Variants in GART observed in about 807,000 individuals in gnomAD.
The protein encoded by GART is phosphoribosylglycinamide formyltransferase, phosphoribosylglycinamide synthetase, phosphoribosylaminoimidazole synthetase, also known as trifunctional purine biosynthetic protein adenosine-3.
Under a neutral mutation model 107.2 loss-of-function variants are expected in GART, and 43 were observed. That is an observed-to-expected ratio of 0.40 (90% CI 0.31 to 0.52). The LOEUF (loss-of-function observed/expected upper bound fraction) is 0.52, where lower values mean the gene tolerates loss of function less well. Among genes scored for constraint, GART ranks in the 20% least tolerant of loss-of-function variants. GART has a pLI of 0.52. For missense variants in GART, 1,107 were observed against 1,206.5 expected (o/e 0.92, Z 1.22); for synonymous variants, 434 against 427.0 (o/e 1.02, Z -0.20).
intron 16 of GART, among the ~76,000 whole-genome samples, chr21:33,512,918 C>T (rs1013789078): frequency 6.6e-6 from 1 of 150,654 alleles, no homozygotes; most frequent in African/African-American, 2.4e-5. Context: ...GGAGTTGATA[C>T]AATTTTTTTT....
At chr21:33,533,440 A>C (rs2085235985) in intron 4 of GART, among the ~76,000 whole-genome samples, 1 of 17,630 alleles carries the variant, frequency 5.7e-5, no homozygotes, top group Non-Finnish European at 1.1e-4. Flanking sequence ...ACGAGACTCA[A>C]AAAAAAAAAA....
intron 6 of GART, 156 bp downstream of exon 6, chr21:33,531,333 G>T: frequency 1.5e-6 from 1 of 682,370 alleles, no homozygotes; most frequent in Non-Finnish European, 2.5e-6. Context: ...TTTTTCATTT[G>T]CACCCCCAAC....
chr21:33,507,523 T>A (rs1212057045), intron 18 of GART, among the ~76,000 whole-genome samples: 1 of 152,144 alleles, frequency 6.6e-6, no homozygotes, highest in African/African-American at 2.4e-5. Flanking sequence ...TTACACATTT[T>A]AAAATAACTG....
Position 33,520,543 on chromosome 21 carries a change from T to C in GART, c.1523A>G (p.Lys508Arg). Reference sequence around the variant, plus strand: ...CAAATCTTGACCAATGGTATCATGTTTATTGCATAGCTGGGCAATCTATGT... The same window carrying C: ...CAAATCTTGACCAATGGTATCATGTCTATTGCATAGCTGGGCAATCTATGT... ...TKLKIAQLCN[K>R]HDTIGQDLVA... The change falls in exon 14 of 22, where the codon AAA becomes AGA. Residue 508 changes from lysine to arginine, a missense_variant. Coordinates refer to ENST00000381815, the MANE Select transcript of GART (RefSeq NM_000819.5). 6.2e-7 allele frequency: 1 copy of C among 1,614,092 alleles called. No homozygotes were observed. The highest frequency in any genetic ancestry group is 8.5e-7 in the Non-Finnish European group (1 of 1,179,954).
At chr21:33,534,791 C>T in intron 3 of GART, 38 bp from the exon 4 acceptor site, 1 of 1,515,194 alleles carries the variant, frequency 6.6e-7, no homozygotes, top group South Asian at 1.3e-5. Flanking sequence ...GAACCAAGGT[C>T]TCCCCAGGGG....
intron 14 of GART, among the ~76,000 whole-genome samples, 193 bp downstream of exon 14, chr21:33,520,171 G>A (rs2084944409): frequency 6.6e-6 from 1 of 152,142 alleles, no homozygotes; most frequent in Non-Finnish European, 1.5e-5. Context: ...CCCCTGAGGA[G>A]GGCTTTGAAG....
chr21:33,516,442 T>C (rs142708817), intron 16 of GART, among the ~76,000 whole-genome samples: 2,068 of 152,270 alleles, frequency 0.014, 50 homozygotes, highest in African/African-American at 0.048. Context: ...ATCTTCAGCA[T>C]GACTTCAACT....
intron 5 of GART, 186 bp downstream of exon 5, chr21:33,532,159 T>A: frequency 3.6e-6 from 2 of 561,076 alleles, no homozygotes; most frequent in Non-Finnish European, 6.3e-6. Flanking sequence ...AATCATGGTT[T>A]AATTTACAGT....
chr21:33,541,870 A>T (rs528357514), intron 1 of GART, among the ~76,000 whole-genome samples, 195 bp downstream of exon 1: 5 of 152,198 alleles, frequency 3.3e-5, no homozygotes, highest in Non-Finnish European at 5.9e-5. Context: ...AGAAAACAGG[A>T]AAAGTAAAAG....
rs2085365796 is a variant in GART, at chr21:33,539,372, C to T, written c.-41-16G>A. On this transcript the variant is annotated splice_polypyrimidine_tract_variant and intron_variant, in intron 1 of 21. Coordinates refer to ENST00000381815, the MANE Select transcript of GART (RefSeq NM_000819.5). ...AAAATGAAACCTGCAGAAAGAAAAC[C>T]ACAGTTTATATCTTAGGATGCACAT... The T allele has an allele frequency of 5.7e-6, 9 of 1,577,328 alleles. No homozygotes were observed. The highest frequency in any genetic ancestry group is 3.7e-5 in the Admixed American group (2 of 53,516).
rs572054212 is a variant in GART at position 33,532,253 on chromosome 21, T to C, written c.528+92A>G. On this transcript the variant is annotated intron_variant, in intron 5 of 21. Coordinates refer to ENST00000381815, the MANE Select transcript of GART (RefSeq NM_000819.5). ...CTTACCCATATGTTTGCAAAATAGA[T>C]TTTCCTTATTGTGAGGAACATTTTT... 5.0e-4 allele frequency: 426 copies of C among 850,856 alleles called. 1 individual carries two copies. Among genetic ancestry groups the C allele is most frequent in the Middle Eastern group, 2.7e-3 (12 of 4,416 alleles). 52.7% of individuals were successfully genotyped at this position (850,856 alleles called of 1,614,324 possible). A position where few individuals can be genotyped will look rare whatever the true frequency, so the allele number is the denominator to read the frequency against.
chr21:33,514,616 A>T (rs1434997201), intron 16 of GART, among the ~76,000 whole-genome samples: 1 of 152,172 alleles, frequency 6.6e-6, no homozygotes, highest in Non-Finnish European at 1.5e-5. Context: ...ATTCATCAGC[A>T]GGCCACTGTT....
Position 33,525,828 on chromosome 21 carries a change from T to C in GART, c.1067-828A>G, listed in dbSNP as rs1042438891. ...TGAGGAAAGAAACAAAAATCCTGCA[T>C]CTGATCACATTAATCTTTTCCTTAA... On this transcript the variant is annotated intron_variant, in intron 10 of 21. Transcript: ENST00000381815. Among the ~76,000 whole-genome samples, 3 of 151,954 alleles carry C rather than the reference T, an allele frequency of 2.0e-5. No individual in the cohort carries two copies. In the East Asian group the frequency reaches 5.8e-4, roughly 29 times the overall value.
At chr21:33,524,279 G>A in intron 11 of GART, 2 of 985,944 alleles carry the variant, frequency 2.0e-6, no homozygotes, top group Non-Finnish European at 2.4e-6. Flanking sequence ...GCCAAGTGCA[G>A]CGGCTCATGC....
intron 3 of GART, 131 bp from the exon 4 acceptor site, chr21:33,534,884 T>C (rs2145757429): frequency 1.4e-6 from 1 of 699,856 alleles, no homozygotes; most frequent in Non-Finnish European, 2.2e-6. Flanking sequence ...GATAACTAAC[T>C]TTTTCATGTT....
chr21:33,504,482 C>A lies in GART; in HGVS notation c.2771G>T (p.Gly924Val). The change falls in exon 21 of 22, where the codon GGT (glycine) becomes GTT (valine). Residue 924 changes from glycine (G) to valine (V), a missense_variant. Transcript: ENST00000381815. ...IHPSLLPSFK[G>V]SNAHEQALET... ...CAGGGCTTGCTCATGGGCATTTGAA[C>A]CCTTAAAAGAAGGGAGCAAGGATGG... 2 of 1,614,042 alleles carry A rather than the reference C, an allele frequency of 1.2e-6. No individual in the cohort carries two copies. Among genetic ancestry groups the A allele is most frequent in the Non-Finnish European group, 1.7e-6 (2 of 1,180,000 alleles).
At chr21:33,511,171 A>G in intron 17 of GART, 81 bp downstream of exon 17, 3 of 1,452,546 alleles carry the variant, frequency 2.1e-6, no homozygotes, top group Non-Finnish European at 2.9e-6. Flanking sequence ...GGTGGGCAGA[A>G]AGCTTGTGAG....
At chr21:33,510,428 C>G (rs997499340) in intron 17 of GART, 1 of 153,218 alleles carries the variant, frequency 6.5e-6, no homozygotes, top group African/African-American at 2.4e-5. Flanking sequence ...CTCCTAGGTT[C>G]ACGCCATTCT....
At chr21:33,506,237 G>T in intron 18 of GART, 133 bp from the exon 19 acceptor site, 1 of 906,960 alleles carries the variant, frequency 1.1e-6, no homozygotes, top group East Asian at 3.3e-5. Flanking sequence ...TCCACCTCCC[G>T]GGTTCAAGCA....
Sources: gnomAD v4.1 joint callset for allele counts (sites outside exome capture counted in the v4.1 genomes callset) on GRCh38, gnomAD v4.1.1 for gene constraint, MANE v1.5 for transcripts, NCBI Gene and HGNC (gene_info 2026-07-23, HGNC 2026-07-21) for gene names.